The following RBM26 variants were observed in gnomAD, a reference collection of about 807,000 sequenced individuals.
RBM26 encodes RNA-binding protein 26.
RBM26 carries 30 observed loss-of-function variants against 123.6 expected under a neutral mutation model. The observed-to-expected ratio is 0.24, with a 90% CI of 0.18 to 0.33. The LOEUF is 0.33. Among genes scored for constraint, RBM26 ranks in the 10% least tolerant of loss-of-function variants. The pLI is 1.00. For synonymous variants in RBM26, 400 were observed against 404.4 expected, an observed-to-expected ratio of 0.99 and a Z score of 0.13; for missense variants, 947 against 1,203.6, an observed-to-expected ratio of 0.79 and a Z score of 3.15.
At chr13:79,386,272 T>C (rs912345617) in intron 1 of RBM26, among the ~76,000 whole-genome samples, 96 of 152,036 alleles carry the variant, frequency 6.3e-4, no homozygotes, top group African/African-American at 2.3e-3. Context: ...TTGAAGTACA[T>C]GAAGAAAACC....
intron 14 of RBM26, among the ~76,000 whole-genome samples, chr13:79,349,327 A>C (rs1203836242): frequency 1.3e-5 from 2 of 152,152 alleles, no homozygotes; most frequent in African/African-American, 4.8e-5. Flanking sequence ...CTTTTGACCA[A>C]CATTTCCCAA....
chr13:79,339,934 G>A (rs1415351078), intron 18 of RBM26, among the ~76,000 whole-genome samples: 3 of 151,968 alleles, frequency 2.0e-5, no homozygotes, highest in Non-Finnish European at 4.4e-5. Flanking sequence ...AACGTAAGCC[G>A]TGATAAAGGA....
At chr13:79,377,257 A>T (rs1594532547) in intron 3 of RBM26, 122 bp downstream of exon 3, 3 of 744,688 alleles carry the variant, frequency 4.0e-6, no homozygotes, top group Non-Finnish European at 4.4e-6. Context: ...CTCCTAGAAA[A>T]ATCATTTAAA....
rs1350510165 is a variant in RBM26 at position 79,320,618 on chromosome 13, A to G, written c.*3T>C. On this transcript the variant is annotated 3_prime_UTR_variant, in exon 22 of 22. Transcript: ENST00000438737. Reference sequence around the variant, plus strand: ...AGCATATGCAGATCAATGATCAGTCAAATCATCTTCTCCAAGAACGAGATT... The same window carrying G: ...AGCATATGCAGATCAATGATCAGTCGAATCATCTTCTCCAAGAACGAGATT... 2 of 1,591,110 alleles carry G rather than the reference A, an allele frequency of 1.3e-6. No homozygotes were observed. Among genetic ancestry groups the G allele is most frequent in the South Asian group, 1.2e-5 (1 of 86,662 alleles).
intron 5 of RBM26, 79 bp from the exon 6 acceptor site, chr13:79,369,069 T>A: frequency 1.1e-6 from 1 of 934,446 alleles, no homozygotes; most frequent in Non-Finnish European, 1.5e-6. Flanking sequence ...AATAGTGATA[T>A]TTTTATAAAC....
intron 1 of RBM26, among the ~76,000 whole-genome samples, chr13:79,386,613 G>A (rs2077511631): frequency 1.5e-5 from 1 of 65,396 alleles, no homozygotes; most frequent in African/African-American, 4.6e-5. Context: ...AAAAAAAAAG[G>A]TGTATCTGCA....
At position 79,342,844 on chromosome 13, in the gene RBM26, T is replaced by A; in HGVS notation, c.2260-13A>T. The A allele has an allele frequency of 6.5e-7, 1 of 1,528,608 alleles. No homozygotes were observed. Among genetic ancestry groups the A allele is most frequent in the Non-Finnish European group, 8.9e-7 (1 of 1,121,232 alleles). The allele number at this position is 1,528,608 out of a possible 1,614,324, so 94.7% of individuals were successfully genotyped here. ...TTGAAATTAACATCTGCCAAATTTTTAAAAAGAGAAAAATAAAGCTAATTA... is the reference window on the plus strand; with the variant it reads ...TTGAAATTAACATCTGCCAAATTTTAAAAAAGAGAAAAATAAAGCTAATTA... On this transcript the variant is annotated splice_polypyrimidine_tract_variant and intron_variant, in intron 16 of 21. Coordinates refer to ENST00000438737, the MANE Select transcript of RBM26 (RefSeq NM_001366735.2).
downstream of RBM26, chr13:79,314,438 G>A (rs1168397820): frequency 6.6e-6 from 1 of 151,688 alleles, no homozygotes; most frequent in Non-Finnish European, 1.5e-5. Context: ...ACATCAGAAA[G>A]TATATTCAGA....
intron 20 of RBM26, among the ~76,000 whole-genome samples, chr13:79,332,098 T>C (rs73562539): frequency 0.06 from 9,103 of 152,232 alleles, 534 homozygotes; most frequent in African/African-American, 0.15. Flanking sequence ...TATGCATCTA[T>C]TGATTATAGA....
chr13:79,362,154 CA>C (rs993142547), intron 9 of RBM26, among the ~76,000 whole-genome samples: 4 of 152,110 alleles, frequency 2.6e-5, no homozygotes, highest in Non-Finnish European at 5.9e-5. Flanking sequence ...CCCAGGGGGA[CA>C]AGAAGTTAAA....
At chr13:79,352,476 A>T (rs571030118) in intron 14 of RBM26, among the ~76,000 whole-genome samples, 54 of 151,898 alleles carry the variant, frequency 3.6e-4, no homozygotes, top group African/African-American at 1.2e-3. Flanking sequence ...CAAAAAAAAA[A>T]AATAACATCT....
intron 11 of RBM26, among the ~76,000 whole-genome samples, chr13:79,356,318 G>A (rs1169918195): frequency 7.2e-6 from 1 of 138,282 alleles, no homozygotes; most frequent in East Asian, 2.4e-4. Context: ...ACAAAGAACC[G>A]TAATCATGCC....
intron 1 of RBM26, among the ~76,000 whole-genome samples, chr13:79,382,114 T>C (rs1303240773): frequency 6.6e-6 from 1 of 152,116 alleles, no homozygotes; most frequent in Non-Finnish European, 1.5e-5. Flanking sequence ...GCAAAACCTA[T>C]GTTCTCTTTT....
In RBM26 at chr13:79,354,509, C is replaced by T. The variant is rs748777553; in HGVS notation, c.1916G>A (p.Arg639Gln). 5.6e-6 allele frequency: 9 copies of T among 1,609,198 alleles called. No homozygotes were observed. Among genetic ancestry groups the T allele is most frequent in the South Asian group, 1.1e-5 (1 of 90,438 alleles). ...AGTACTTGAAGGTACTGGACCCAGC[C>T]GCTCTTTGACTGACTGCTTCACAAC... ...LPVVKQSVKERLGPVPSSTIE... is the reference protein window; with the variant it reads ...LPVVKQSVKEQLGPVPSSTIE... Residue 639 changes from arginine to glutamine, a missense_variant, in exon 13 of 22, where the codon CGG becomes CAG. Arg to Gln is a conservative substitution (Grantham distance 43). Transcript: ENST00000438737.
intron 9 of RBM26, among the ~76,000 whole-genome samples, chr13:79,363,635 G>C (rs2074955650): frequency 6.6e-6 from 1 of 152,160 alleles, no homozygotes; most frequent in African/African-American, 2.4e-5. Flanking sequence ...AGGTATGACA[G>C]ACATTTCTCT....
At chr13:79,390,913 G>A (rs2077913301) in intron 1 of RBM26, among the ~76,000 whole-genome samples, 1 of 152,070 alleles carries the variant, frequency 6.6e-6, no homozygotes, top group African/African-American at 2.4e-5. Context: ...AAAAGATATA[G>A]ATCAATATAT....
chr13:79,401,524 C>A (rs558697542), intron 1 of RBM26, among the ~76,000 whole-genome samples: 1 of 152,174 alleles, frequency 6.6e-6, no homozygotes, highest in Admixed American at 6.5e-5. Context: ...ACAATGCTTA[C>A]CTCATAAAAC....
intron 1 of RBM26, among the ~76,000 whole-genome samples, chr13:79,389,220 T>G (rs2077733041): frequency 6.6e-6 from 1 of 152,174 alleles, no homozygotes; most frequent in African/African-American, 2.4e-5. Flanking sequence ...GAGGAACTAC[T>G]TATAATGCAA....
rs1175997311 is a variant in RBM26, at chr13:79,337,197, C to A, written c.2638G>T (p.Val880Leu). 4.3e-6 allele frequency: 7 copies of A among 1,614,156 alleles called. No individual in the cohort carries two copies. The highest frequency in any genetic ancestry group is 4.2e-6 in the Non-Finnish European group (5 of 1,180,012). The change falls in exon 19 of 22, where the codon GTG (valine) becomes TTG (leucine). Residue 880 changes from valine (V) to leucine (L), a missense_variant. Physicochemically the swap from Val to Leu is conservative, Grantham distance 32 (BLOSUM62 1). Transcript: ENST00000438737. ...TGATCCACCACAGCATGACCAGGCA[C>A]ACCTCGCCCTCGCCCTCGCCCCCTG... ...RGRGRGRGRG[V>L]PGHAVVDHRP...
Sources: gnomAD v4.1 joint callset for allele counts (sites outside exome capture counted in the v4.1 genomes callset) on GRCh38, gnomAD v4.1.1 for gene constraint, MANE v1.5 for transcripts, NCBI Gene and HGNC (gene_info 2026-07-23, HGNC 2026-07-21) for gene names.